EFTUD2: variants seen among roughly 807,000 people sequenced by gnomAD.
EFTUD2 encodes the protein elongation factor Tu GTP binding domain containing 2, also known as 116 kDa U5 small nuclear ribonucleoprotein component.
In EFTUD2, 9 loss-of-function variants were observed where a neutral mutation model predicts 114.3. The ratio of observed to expected loss-of-function variants is 0.08; its 90% CI spans 0.05 to 0.14. The LOEUF (loss-of-function observed/expected upper bound fraction) is 0.14. Among genes scored for constraint, EFTUD2 ranks in the 10% least tolerant of loss-of-function variants. The pLI is 1.00. For missense variants in EFTUD2, 765 were observed against 1,241.2 expected (o/e 0.62, Z 5.76); for synonymous variants, 449 against 462.3 (o/e 0.97, Z 0.37).
At position 44,852,559 on chromosome 17, in the gene EFTUD2, C is replaced by A. The variant is rs2050474252; in HGVS notation, c.2565G>T (p.Gly855=). The change falls in exon 26 of 28, where the codon GGG becomes GGT. Residue 855 remains glycine, a synonymous_variant. Coordinates refer to ENST00000426333, the MANE Select transcript of EFTUD2 (RefSeq NM_004247.4). The part of the protein sequence containing the change: ...AVYTVLARRR[G]HVTQDAPIPG... ...GGATGGGTGCATCCTGAGTCACGTG[C>A]CCCCTGAGACAGAAAAACAAAGGCT... 1 of 1,613,562 alleles carries A rather than the reference C, an allele frequency of 6.2e-7. No homozygotes were observed. Among genetic ancestry groups the A allele is most frequent in the Non-Finnish European group, 8.5e-7 (1 of 1,179,778 alleles).
Position 44,850,397 on chromosome 17 carries a change from G to A in EFTUD2, c.*877C>T. The A allele has an allele frequency of 1.2e-6, 2 of 1,610,836 alleles. No homozygotes were observed. The highest frequency in any genetic ancestry group is 1.3e-5 in the African/African-American group (1 of 75,024). ...GGCACAGGATGCTGGAGAGAAGTAG[G>A]ACTCCTATAGGAGCCGGGGCTGTCC... On this transcript the variant is annotated 3_prime_UTR_variant, in exon 28 of 28. Coordinates refer to ENST00000426333, the MANE Select transcript of EFTUD2 (RefSeq NM_004247.4).
At position 44,890,148 on chromosome 17, in the gene EFTUD2, C is replaced by T. The variant is rs138748235; in HGVS notation, c.106-3398G>A. Reference sequence around the variant, plus strand: ...TTAGCCTCTGGGCATGCCACCCAGGCGCATGCCACCACGCCCAGCTAATTT... The same window carrying T: ...TTAGCCTCTGGGCATGCCACCCAGGTGCATGCCACCACGCCCAGCTAATTT... On this transcript the variant is annotated intron_variant, in intron 2 of 27. Coordinates refer to ENST00000426333, the MANE Select transcript of EFTUD2 (RefSeq NM_004247.4). Among the ~76,000 whole-genome samples the T allele has an allele frequency of 7.3e-3, 1,103 of 151,808 alleles. 9 individuals carry two copies. The highest frequency in any genetic ancestry group is 0.017 in the African/African-American group (721 of 41,440).
At chr17:44,874,582 C>T (rs1382303497) in intron 10 of EFTUD2, among the ~76,000 whole-genome samples, 2 of 152,178 alleles carry the variant, frequency 1.3e-5, no homozygotes, top group Non-Finnish European at 2.9e-5. Flanking sequence ...ACGGCCTCCT[C>T]ACAGGCCCAT....
chr17:44,888,310 A>C (rs1164461541), intron 2 of EFTUD2, among the ~76,000 whole-genome samples: 3 of 152,210 alleles, frequency 2.0e-5, no homozygotes, highest in African/African-American at 7.2e-5. Flanking sequence ...TGCCATTAGC[A>C]TCCAGTGGGT....
intron 10 of EFTUD2, among the ~76,000 whole-genome samples, chr17:44,874,035 CTT>C (rs35563732): frequency 1.3e-3 from 149 of 115,462 alleles, no homozygotes; most frequent in African/African-American, 3.2e-3. Context: ...TGCCCGGCCT[CTT>C]TTTTTTTTTT....
intron 2 of EFTUD2, among the ~76,000 whole-genome samples, chr17:44,889,190 G>A (rs1353180485): frequency 1.3e-5 from 2 of 152,196 alleles, no homozygotes; most frequent in Non-Finnish European, 2.9e-5. Flanking sequence ...TGTGGGCTGA[G>A]GACTGGGAAC....
At position 44,885,520 on chromosome 17, in the gene EFTUD2, T is replaced by C. The variant is rs550986137; in HGVS notation, c.272-186A>G. 5.3e-5 allele frequency among the ~76,000 whole-genome samples: 8 copies of C among 152,242 alleles called. No homozygotes were observed. In the South Asian group the frequency reaches 6.2e-4, roughly 12 times the overall value. On this transcript the variant is annotated intron_variant, in intron 3 of 27. Transcript: ENST00000426333. Reference sequence around the variant, plus strand: ...GTTTGGCATGAGACAGTGAAGGACCTTGAATTGTGGAAAGAGGAGTCTGGG... The same window carrying C: ...GTTTGGCATGAGACAGTGAAGGACCCTGAATTGTGGAAAGAGGAGTCTGGG...
chr17:44,865,277 CCCCAT>C, intron 13 of EFTUD2: 1 of 556,532 alleles, frequency 1.8e-6, no homozygotes, highest in Non-Finnish European at 3.0e-6. Context: ...TTGGTTACAT[CCCCAT>C]CCCAGCCAAT....
chr17:44,853,981 C>T, intron 23 of EFTUD2: 13 of 1,352,582 alleles, frequency 9.6e-6, no homozygotes, highest in Non-Finnish European at 1.2e-5. Context: ...ATAAACCATT[C>T]CAATCTCATC....
At position 44,865,023 on chromosome 17, in the gene EFTUD2, C is replaced by G; in HGVS notation, c.1192G>C (p.Glu398Gln). 6.2e-7 allele frequency: 1 copy of G among 1,614,160 alleles called. No individual in the cohort carries two copies. Among genetic ancestry groups the G allele is most frequent in the South Asian group, 1.1e-5 (1 of 91,086 alleles). ...VDTSLPRTLD[E>Q]LGIHLTKEEL... ...TCCTTCGTCAGGTGGATGCCAAGCT[C>G]GTCTAGGGTCCGTGGGAGGCTGGTG... The change falls in exon 14 of 28, where the codon GAG becomes CAG. Residue 398 changes from glutamate to glutamine, a missense_variant. By Grantham distance (29) the Glu-to-Gln change is conservative. This residue lies in a region of EFTUD2 where 251 missense variants were observed against 357.7 expected (regional missense o/e 0.70). Transcript: ENST00000426333.
At chr17:44,896,252 A>T (rs892969217) in intron 1 of EFTUD2, among the ~76,000 whole-genome samples, 4 of 152,178 alleles carry the variant, frequency 2.6e-5, no homozygotes, top group African/African-American at 9.7e-5. Context: ...AAACAGTTCA[A>T]ATGCCACCAC....
At chr17:44,856,204 T>G (rs996692363) in intron 20 of EFTUD2, among the ~76,000 whole-genome samples, 5 of 151,726 alleles carry the variant, frequency 3.3e-5, no homozygotes, top group African/African-American at 9.7e-5. Context: ...GGGCTCATCT[T>G]TCTTTCATTT....
chr17:44,876,133 A>C, intron 9 of EFTUD2, 33 bp from the exon 10 acceptor site: 4 of 1,587,906 alleles, frequency 2.5e-6, no homozygotes, highest in Non-Finnish European at 3.4e-6. Context: ...GGTGGTAAGA[A>C]GAACAAGGAG....
intron 12 of EFTUD2, 106 bp from the exon 13 acceptor site, chr17:44,868,003 ATG>A: frequency 4.4e-6 from 5 of 1,143,728 alleles, no homozygotes; most frequent in Non-Finnish European, 4.9e-6. Context: ...CAGGGGAGGA[ATG>A]TGTGTGTGAC....
chr17:44,894,205 G>A lies in EFTUD2; in HGVS notation c.105+212C>T, dbSNP rs189992150. 2,615 of 481,400 alleles carry A rather than the reference G, an allele frequency of 5.4e-3. 49 individuals are homozygous for A. The highest frequency in any genetic ancestry group is 0.042 in the African/African-American group (2,129 of 51,160). 29.8% of individuals were successfully genotyped at this position (481,400 alleles called of 1,614,324 possible). On this transcript the variant is annotated intron_variant, in intron 2 of 27. Transcript: ENST00000426333. ...AGCCTGGGCAATGTTTCATCTCCAC[G>A]AAAAATAAAAAAAAATTAGCTGGGC...
At chr17:44,889,267 G>C (rs1468343119) in intron 2 of EFTUD2, among the ~76,000 whole-genome samples, 1 of 152,192 alleles carries the variant, frequency 6.6e-6, no homozygotes, top group East Asian at 1.9e-4. Flanking sequence ...TGGAATGCGA[G>C]AGGCAAAAGG....
intron 7 of EFTUD2, 140 bp downstream of exon 7, chr17:44,881,544 AAGG>A: frequency 1.1e-6 from 1 of 872,276 alleles, no homozygotes; most frequent in Non-Finnish European, 1.8e-6. Context: ...CTGGGGGAAG[AAGG>A]AGATGGGATG....
chr17:44,899,427 AC>A lies in EFTUD2; in HGVS notation c.-64del, dbSNP rs926402288. 6.6e-6 allele frequency: 1 copy of A among 152,382 alleles called. No individual in the cohort carries two copies. Among genetic ancestry groups the A allele is most frequent in the Admixed American group, 6.6e-5 (1 of 15,266 alleles). 9.4% of individuals were successfully genotyped at this position (152,382 alleles called of 1,614,324 possible). A position where few individuals can be genotyped will look rare whatever the true frequency, so the allele number is the denominator to read the frequency against. The stretch of plus-strand genomic sequence containing the variant: ...CTGCCGGAGATCGTGCTTCCGCCCC[AC>A]GCCGAGGAAACGCCTGCGCCCGCCG... On this transcript the variant is annotated 5_prime_UTR_variant, in exon 1 of 28. Coordinates refer to ENST00000426333, the MANE Select transcript of EFTUD2 (RefSeq NM_004247.4).
chr17:44,889,156 G>A (rs2051232054), intron 2 of EFTUD2, among the ~76,000 whole-genome samples: 1 of 152,160 alleles, frequency 6.6e-6, no homozygotes, highest in Non-Finnish European at 1.5e-5. Flanking sequence ...TGATCGGCTG[G>A]GACAGACGGA....
Sources: allele counts gnomAD v4.1 joint callset (sites outside exome capture counted in the v4.1 genomes callset), GRCh38; gene constraint gnomAD v4.1.1; regional missense constraint gnomAD v4.1.1; transcripts MANE v1.5; gene names NCBI Gene and HGNC (gene_info 2026-07-23, HGNC 2026-07-21).